Variants in PPP2R5C observed in about 807,000 individuals in gnomAD.
PPP2R5C encodes serine/threonine-protein phosphatase 2A 56 kDa regulatory subunit gamma isoform.
PPP2R5C carries 7 observed loss-of-function variants against 68.9 expected under a neutral mutation model. The observed-to-expected ratio is 0.10, with a 90% CI of 0.06 to 0.19. PPP2R5C has a LOEUF of 0.19. Ranked by LOEUF, PPP2R5C falls within the 10% of genes least tolerant of loss-of-function variation. PPP2R5C has a pLI of 1.00. For synonymous variants in PPP2R5C, 210 were observed against 222.2 expected (o/e 0.95, Z 0.49); for missense variants, 348 against 641.3 (o/e 0.54, Z 4.94).
intron 11 of PPP2R5C, among the ~76,000 whole-genome samples, chr14:101,911,782 G>A (rs55847589): frequency 1.6e-3 from 236 of 152,056 alleles, no homozygotes; most frequent in Non-Finnish European, 2.8e-3. Context: ...TACTCGGGAG[G>A]TTGAGGCAGG....
intron 2 of PPP2R5C, among the ~76,000 whole-genome samples, chr14:101,783,762 C>A (rs2037956060): frequency 6.6e-6 from 1 of 152,192 alleles, no homozygotes; most frequent in South Asian, 2.1e-4. Flanking sequence ...TACCCAAGGT[C>A]CTCGCTGTGA....
intron 13 of PPP2R5C, among the ~76,000 whole-genome samples, chr14:101,924,445 C>CTTTTTTTTGTTTTTTTTTTTTTTTT: frequency 1.2e-5 from 1 of 84,536 alleles, no homozygotes; most frequent in Middle Eastern, 6.5e-3. Flanking sequence ...ATTTCTACAT[C>CTTTTTTTTGTTTTTTTTTTTTTTTT]TTTTTTTTTT....
upstream of PPP2R5C, among the ~76,000 whole-genome samples, chr14:101,808,277 C>T (rs1433101762): frequency 1.3e-5 from 2 of 151,662 alleles, no homozygotes; most frequent in Non-Finnish European, 2.9e-5. Context: ...AGCACGTGCT[C>T]TTTAAAAAAA....
intron 3 of PPP2R5C, among the ~76,000 whole-genome samples, chr14:101,802,177 G>A (rs1410407775): frequency 5.3e-5 from 8 of 152,224 alleles, no homozygotes; most frequent in Admixed American, 1.3e-4. Context: ...CACTTTGGGA[G>A]GCTGAGACGG....
intron 13 of PPP2R5C, among the ~76,000 whole-genome samples, chr14:101,921,711 C>A (rs1034364514): frequency 1.3e-5 from 2 of 152,036 alleles, no homozygotes; most frequent in Non-Finnish European, 2.9e-5. Context: ...TTTCACATTT[C>A]TTTGAGATGA....
At chr14:101,927,264 T>G (rs1418347612) in exon 14 of PPP2R5C, 1 of 152,272 alleles carries the variant, frequency 6.6e-6, no homozygotes, top group African/African-American at 2.4e-5. Flanking sequence ...GAACATCTTT[T>G]TGTCTAGGTT....
chr14:101,842,371 C>T (rs1347087840), intron 1 of PPP2R5C, among the ~76,000 whole-genome samples: 4 of 152,148 alleles, frequency 2.6e-5, no homozygotes, highest in East Asian at 1.9e-4. Context: ...AGGGCAGGAG[C>T]GCCCGTGGGC....
chr14:101,894,901 T>A (rs1490767813), intron 8 of PPP2R5C, among the ~76,000 whole-genome samples: 1 of 152,214 alleles, frequency 6.6e-6, no homozygotes, highest in Admixed American at 6.5e-5. Flanking sequence ...TGACAACATA[T>A]TGAACTGATT....
chr14:101,874,458 A>G (rs2043621063), intron 2 of PPP2R5C, among the ~76,000 whole-genome samples: 1 of 152,230 alleles, frequency 6.6e-6, no homozygotes, highest in Non-Finnish European at 1.5e-5. Flanking sequence ...TACGAAACTA[A>G]TCTTTGGCCC....
At chr14:101,853,459 G>A (rs769395660) in intron 1 of PPP2R5C, among the ~76,000 whole-genome samples, 6 of 152,140 alleles carry the variant, frequency 3.9e-5, no homozygotes, top group African/African-American at 1.4e-4. Context: ...ATTAAAAACC[G>A]TGTTACTCTG....
At position 101,899,159 on chromosome 14, in the gene PPP2R5C, C is replaced by T. The variant is rs1330620445; in HGVS notation, c.853-2560C>T. Among the ~76,000 whole-genome samples, 1 of 152,250 alleles carries T rather than the reference C, an allele frequency of 6.6e-6. No individual in the cohort carries two copies. The highest frequency in any genetic ancestry group is 1.5e-5 in the Non-Finnish European group (1 of 68,042). On this transcript the variant is annotated intron_variant, in intron 8 of 13. Coordinates refer to ENST00000334743, the Ensembl canonical transcript of PPP2R5C. The surrounding 1 kb of genome is among the most constrained non-coding windows in gnomAD (Gnocchi z 4.2). ...TTTCTGGGCACATGAAACACTTTCT[C>T]TGTTGGAAGAATAACAAAAGCTCAT...
chr14:101,784,109 CTCCCAGGTCAGAGGCTGCCTGCTGT>C (rs1327854276), intron 2 of PPP2R5C, among the ~76,000 whole-genome samples: 1 of 152,240 alleles, frequency 6.6e-6, no homozygotes, highest in Non-Finnish European at 1.5e-5. Context: ...AGACCCCTGC[CTCCCAGGTCAGAGGCTGCCTGCTGT>C]TCCGGGCAGT....
At chr14:101,788,598 G>A (rs935984264) in intron 3 of PPP2R5C, among the ~76,000 whole-genome samples, 1 of 152,058 alleles carries the variant, frequency 6.6e-6, no homozygotes, top group Non-Finnish European at 1.5e-5. Context: ...TTCCACTGAC[G>A]CTTACATTTT....
rs142415067 is a variant in PPP2R5C, at chr14:101,836,865, G to A, written c.95-19821G>A. On this transcript the variant is annotated intron_variant, in intron 1 of 13. Transcript: ENST00000334743. ...GAAGACAAAACAATAATGAAACAGG[G>A]TTATTCATCACGCTAAAGCGTACAG... is the stretch of plus-strand genomic sequence containing the variant. Among the ~76,000 whole-genome samples the A allele has an allele frequency of 6.2e-4, 95 of 152,324 alleles. 1 individual carries two copies. Among genetic ancestry groups the A allele is most frequent in the African/African-American group, 2.2e-3 (90 of 41,566 alleles).
intron 2 of PPP2R5C, among the ~76,000 whole-genome samples, chr14:101,868,297 G>T (rs894269621): frequency 2.0e-5 from 3 of 152,044 alleles, no homozygotes; most frequent in Non-Finnish European, 4.4e-5. Context: ...TTTTTTAGAG[G>T]TTTGTTTGTT....
chr14:101,824,533 C>T, intron 1 of PPP2R5C: 1 of 157,712 alleles, frequency 6.3e-6, no homozygotes, highest in Admixed American at 6.2e-5. Context: ...GTTGGTAACC[C>T]TGTGTCCTTT....
At chr14:101,900,704 A>T (rs2045633956) in intron 8 of PPP2R5C, among the ~76,000 whole-genome samples, 1 of 152,256 alleles carries the variant, frequency 6.6e-6, no homozygotes, top group Non-Finnish European at 1.5e-5. Context: ...CTACAGGAAC[A>T]TATAAAGAAA....
At chr14:101,873,540 A>G (rs2043556148) in intron 2 of PPP2R5C, among the ~76,000 whole-genome samples, 1 of 152,122 alleles carries the variant, frequency 6.6e-6, no homozygotes, top group African/African-American at 2.4e-5. Context: ...AATTTTTCCC[A>G]TCTGGTTGGT....
At chr14:101,805,749 C>G (rs2039049093), upstream of PPP2R5C, among the ~76,000 whole-genome samples, 1 of 152,208 alleles carries the variant, frequency 6.6e-6, no homozygotes, top group African/African-American at 2.4e-5. Flanking sequence ...TTGGCACTTG[C>G]TACAACATGG....
Sources: allele counts gnomAD v4.1 joint callset (sites outside exome capture counted in the v4.1 genomes callset), GRCh38; gene constraint gnomAD v4.1.1; non-coding constraint Gnocchi (gnomAD v3.1); transcripts MANE v1.5; gene names NCBI Gene and HGNC (gene_info 2026-07-23, HGNC 2026-07-21).